AGBL4: variants seen among roughly 807,000 people sequenced by gnomAD.
AGBL4 encodes cytosolic carboxypeptidase 6.
AGBL4 carries 58 observed loss-of-function variants against 66.4 expected under a neutral mutation model. That is an observed-to-expected ratio of 0.87 (90% CI 0.71 to 1.09). The LOEUF is 1.09. Ranked by LOEUF, AGBL4 falls within the 50% of genes least tolerant of loss-of-function variation. The pLI is 0.00. For missense variants in AGBL4, 579 were observed against 631.0 expected, an observed-to-expected ratio of 0.92 and a Z score of 0.88; for synonymous variants, 234 against 222.9, an observed-to-expected ratio of 1.05 and a Z score of -0.44.
At chr1:49,291,923 C>A (rs571348461) in intron 3 of AGBL4, among the ~76,000 whole-genome samples, 1 of 152,196 alleles carries the variant, frequency 6.6e-6, no homozygotes, top group Non-Finnish European at 1.5e-5. Flanking sequence ...GGGTCTCACA[C>A]TCTACAGAGC....
At chr1:49,833,430 T>C (rs957539786) in intron 2 of AGBL4, among the ~76,000 whole-genome samples, 14 of 152,230 alleles carry the variant, frequency 9.2e-5, no homozygotes, top group African/African-American at 3.4e-4. Context: ...GGTAGCATGA[T>C]GCCTCCAGCT....
At chr1:49,756,202 G>A (rs3903684) in intron 2 of AGBL4, among the ~76,000 whole-genome samples, 151,457 of 152,264 alleles carry the variant, frequency 0.99, 75,328 homozygotes, top group Middle Eastern at 1. Context: ...TAATTTACAT[G>A]TCCCCTCCAA....
At chr1:49,313,951 G>A (rs1051534811) in intron 3 of AGBL4, among the ~76,000 whole-genome samples, 2 of 152,116 alleles carry the variant, frequency 1.3e-5, no homozygotes, top group Non-Finnish European at 2.9e-5. Context: ...CCATGCCTAT[G>A]TCCTGAATGG....
chr1:48,841,316 G>A (rs1305993418), intron 6 of AGBL4, among the ~76,000 whole-genome samples: 1 of 151,444 alleles, frequency 6.6e-6, no homozygotes, highest in Non-Finnish European at 1.5e-5. Context: ...TTACTACCTA[G>A]TACTTGAGGC....
intron 3 of AGBL4, among the ~76,000 whole-genome samples, chr1:49,534,108 T>C (rs1244678199): frequency 7.0e-6 from 1 of 142,492 alleles, no homozygotes; most frequent in Admixed American, 8.0e-5. Flanking sequence ...TCTATTCCCT[T>C]GCATGTGTTA....
chr1:48,613,296 T>C (rs936679069), intron 9 of AGBL4, among the ~76,000 whole-genome samples: 6 of 152,198 alleles, frequency 3.9e-5, no homozygotes, highest in African/African-American at 9.6e-5. Context: ...CTTAGATATA[T>C]CTAATTTTTT....
chr1:48,862,991 A>C (rs1281500730), intron 6 of AGBL4, among the ~76,000 whole-genome samples: 1 of 152,214 alleles, frequency 6.6e-6, no homozygotes. Context: ...AATATAGGAA[A>C]GGCTTGATAT....
intron 1 of AGBL4, among the ~76,000 whole-genome samples, chr1:49,986,846 T>C (rs906996320): frequency 1.3e-5 from 2 of 152,118 alleles, no homozygotes; most frequent in African/African-American, 4.8e-5. Flanking sequence ...AACAAAATGA[T>C]ACCTATATTC....
chr1:49,660,872 G>T (rs1475882971), intron 3 of AGBL4, among the ~76,000 whole-genome samples: 1 of 151,952 alleles, frequency 6.6e-6, no homozygotes, highest in Non-Finnish European at 1.5e-5. Flanking sequence ...AATACCACAT[G>T]TTCTCACTTG....
chr1:49,518,134 A>G (rs546644284), intron 3 of AGBL4, among the ~76,000 whole-genome samples: 5 of 152,244 alleles, frequency 3.3e-5, no homozygotes, highest in Admixed American at 6.5e-5. Flanking sequence ...TAATTAACAT[A>G]CAATGTGATA....
intron 3 of AGBL4, among the ~76,000 whole-genome samples, chr1:49,655,992 CA>C (rs1410308510): frequency 4.6e-5 from 7 of 151,942 alleles, no homozygotes. Flanking sequence ...ATTAAAAATA[CA>C]AAAATTAGCT....
At chr1:49,962,474 A>G (rs1275826387) in intron 1 of AGBL4, among the ~76,000 whole-genome samples, 1 of 152,150 alleles carries the variant, frequency 6.6e-6, no homozygotes, top group South Asian at 2.1e-4. Context: ...TTCATGATAA[A>G]TTACTTCTGA....
At chr1:48,575,742 G>A (rs1644643378) in intron 11 of AGBL4, among the ~76,000 whole-genome samples, 1 of 152,170 alleles carries the variant, frequency 6.6e-6, no homozygotes, top group Admixed American at 6.5e-5. Flanking sequence ...ATCCCCTCAA[G>A]GTTAGGTTAG....
intron 1 of AGBL4, among the ~76,000 whole-genome samples, chr1:49,880,307 C>T (rs1228841687): frequency 6.6e-6 from 1 of 151,730 alleles, no homozygotes; most frequent in Non-Finnish European, 1.5e-5. Flanking sequence ...TACTTTTGGT[C>T]TTTGATGATG....
intron 9 of AGBL4, among the ~76,000 whole-genome samples, chr1:48,626,161 C>T (rs1004800754): frequency 3.9e-5 from 6 of 152,192 alleles, no homozygotes; most frequent in African/African-American, 1.4e-4. Flanking sequence ...CCTAAGAGTG[C>T]AACCCATGGT....
chr1:49,282,941 G>C (rs905743484), intron 3 of AGBL4, among the ~76,000 whole-genome samples: 3 of 152,204 alleles, frequency 2.0e-5, no homozygotes, highest in Non-Finnish European at 2.9e-5. Context: ...GCGAGGCTGG[G>C]GGAGGGGCGC....
intron 4 of AGBL4, among the ~76,000 whole-genome samples, chr1:49,206,913 G>A (rs1648189874): frequency 6.8e-6 from 1 of 148,052 alleles, no homozygotes; most frequent in East Asian, 2.0e-4. Flanking sequence ...GAGGAGAGGA[G>A]AGGAGAGGAG....
At chr1:49,640,084 C>A (rs761591009) in intron 3 of AGBL4, among the ~76,000 whole-genome samples, 1 of 152,034 alleles carries the variant, frequency 6.6e-6, no homozygotes, top group African/African-American at 2.4e-5. Flanking sequence ...AAACCACTAC[C>A]CTGAGGAGCT....
rs77736817 is a variant in AGBL4 at position 48,960,080 on chromosome 1, G to A, written c.594+85504C>T. ...GAGAAGGAGGCAACAGCAGAATCAGGGCCACCAGTTAGTAGGCTATTTCAA... is the reference window on the plus strand; with the variant it reads ...GAGAAGGAGGCAACAGCAGAATCAGAGCCACCAGTTAGTAGGCTATTTCAA... On this transcript the variant is annotated intron_variant, in intron 5 of 13. Transcript: ENST00000371839. Among the ~76,000 whole-genome samples the A allele has an allele frequency of 7.0e-3, 1,072 of 152,144 alleles. 12 individuals are homozygous for A. The highest frequency in any genetic ancestry group is 0.011 in the South Asian group (54 of 4,802).
Sources: gnomAD v4.1 joint callset for allele counts (sites outside exome capture counted in the v4.1 genomes callset) on GRCh38, gnomAD v4.1.1 for gene constraint, MANE v1.5 for transcripts, NCBI Gene and HGNC (gene_info 2026-07-23, HGNC 2026-07-21) for gene names.